The following CDYL2 variants were observed in gnomAD, a reference collection of about 807,000 sequenced individuals.
CDYL2 encodes the protein chromodomain Y like 2, also known as chromodomain Y-like protein 2.
A neutral mutation model predicts 49.4 loss-of-function variants in CDYL2; 23 were observed. The observed-to-expected ratio is 0.47, with a 90% CI of 0.34 to 0.66. The LOEUF (loss-of-function observed/expected upper bound fraction) is 0.66. CDYL2 is among the 30% of genes least tolerant of loss of function. CDYL2 has a pLI of 0.01. For synonymous variants in CDYL2, 360 were observed against 268.8 expected (o/e 1.34, Z -3.32); for missense variants, 678 against 656.4 (o/e 1.03, Z -0.36).
chr16:80,665,588 C>A (rs1052737184), intron 2 of CDYL2, among the ~76,000 whole-genome samples: 25 of 151,404 alleles, frequency 1.7e-4, no homozygotes, highest in African/African-American at 6.1e-4. Context: ...TGGTGGAAGC[C>A]AGGCCAGAGA....
intron 1 of CDYL2, among the ~76,000 whole-genome samples, chr16:80,756,726 T>C (rs1199529640): frequency 2.0e-5 from 3 of 152,118 alleles, no homozygotes; most frequent in African/African-American, 4.8e-5. Context: ...CAGTGTCACT[T>C]AGGAATATTC....
At chr16:80,729,151 C>T (rs1905250814) in intron 1 of CDYL2, among the ~76,000 whole-genome samples, 1 of 152,158 alleles carries the variant, frequency 6.6e-6, no homozygotes, top group African/African-American at 2.4e-5. Flanking sequence ...AAGACACACA[C>T]TGGCAAATTG....
chr16:80,728,096 T>C (rs12599899), intron 1 of CDYL2, among the ~76,000 whole-genome samples: 113,492 of 152,192 alleles, frequency 0.75, 46,102 homozygotes, highest in Non-Finnish European at 0.91. Context: ...CAAAGCTGGA[T>C]GGGGAATGAC....
chr16:80,658,223 G>A (rs1019931343), intron 2 of CDYL2, among the ~76,000 whole-genome samples: 7 of 151,962 alleles, frequency 4.6e-5, no homozygotes, highest in African/African-American at 1.7e-4. Context: ...CTTCTTTGAG[G>A]ATATCTTTTT....
chr16:80,611,093 C>T (rs972654071), intron 5 of CDYL2, among the ~76,000 whole-genome samples: 3 of 152,200 alleles, frequency 2.0e-5, no homozygotes, highest in Non-Finnish European at 4.4e-5. Flanking sequence ...CATGCATCCT[C>T]TGCCTGGAAT....
chr16:80,774,828 G>A (rs62052143), intron 1 of CDYL2, among the ~76,000 whole-genome samples: 2,278 of 151,532 alleles, frequency 0.015, 33 homozygotes, highest in Non-Finnish European at 0.022. Flanking sequence ...ATAAAGGTAA[G>A]AGTAGTAAGA....
intron 2 of CDYL2, among the ~76,000 whole-genome samples, chr16:80,677,416 C>T (rs997219678): frequency 3.9e-5 from 6 of 152,134 alleles, no homozygotes; most frequent in African/African-American, 1.4e-4. Context: ...GTTTCAGGCT[C>T]AGAAGCACCA....
chr16:80,781,362 T>C (rs1212317034), intron 1 of CDYL2, among the ~76,000 whole-genome samples: 1 of 152,146 alleles, frequency 6.6e-6, no homozygotes, highest in Non-Finnish European at 1.5e-5. Flanking sequence ...TATGTGCATC[T>C]AACAACAGAG....
chr16:80,628,014 T>A (rs980032502), intron 3 of CDYL2: 5 of 152,250 alleles, frequency 3.3e-5, no homozygotes, highest in African/African-American at 1.2e-4. Flanking sequence ...TCCTTCTCTT[T>A]ATACTTCATC....
chr16:80,691,206 T>C (rs1412063768), intron 1 of CDYL2, among the ~76,000 whole-genome samples: 3 of 152,206 alleles, frequency 2.0e-5, no homozygotes, highest in South Asian at 2.1e-4. Context: ...TTCTGCATCC[T>C]TTCAACATCC....
chr16:80,612,257 A>T lies in CDYL2; in HGVS notation c.1218+369T>A, dbSNP rs1392945893. Among the ~76,000 whole-genome samples, 3 of 152,106 alleles carry T rather than the reference A, an allele frequency of 2.0e-5. No homozygotes were observed. The highest frequency in any genetic ancestry group is 2.9e-5 in the Non-Finnish European group (2 of 68,016). On this transcript the variant is annotated intron_variant, in intron 5 of 6. Transcript: ENST00000570137. The surrounding 1 kb of genome is among the most constrained non-coding windows in gnomAD (Gnocchi z 5.0). ...ACGGGAGACACCTGGGTCCCCAGAG[A>T]GTGTGGGTGGCCCCTACACCTATGC...
intron 1 of CDYL2, among the ~76,000 whole-genome samples, chr16:80,803,935 A>AGCGGGC (rs1908011571): frequency 7.0e-6 from 1 of 142,376 alleles, no homozygotes. Flanking sequence ...AGAAAGAGGG[A>AGCGGGC]GCGGGCGCGG....
At chr16:80,721,394 G>C (rs1167448226) in intron 1 of CDYL2, among the ~76,000 whole-genome samples, 1 of 152,150 alleles carries the variant, frequency 6.6e-6, no homozygotes, top group African/African-American at 2.4e-5. Context: ...AATCATCCCT[G>C]ATTCACAAGC....
chr16:80,608,928 A>G (rs1442745280), intron 5 of CDYL2, among the ~76,000 whole-genome samples: 1 of 152,196 alleles, frequency 6.6e-6, no homozygotes, highest in Non-Finnish European at 1.5e-5. Flanking sequence ...TTTTTTAAAA[A>G]TTAAACTGGT....
intron 1 of CDYL2, among the ~76,000 whole-genome samples, chr16:80,686,071 T>C (rs1910178317): frequency 6.6e-6 from 1 of 152,228 alleles, no homozygotes; most frequent in African/African-American, 2.4e-5. Context: ...AGATATTGCA[T>C]ATAAGGCAAC....
chr16:80,801,912 C>A (rs564751901), intron 1 of CDYL2, among the ~76,000 whole-genome samples: 11 of 152,128 alleles, frequency 7.2e-5, no homozygotes, highest in Non-Finnish European at 1.5e-4. Context: ...TGTTGACATT[C>A]GTTATATTCT....
At chr16:80,697,949 T>C (rs1446020737) in intron 1 of CDYL2, among the ~76,000 whole-genome samples, 1 of 152,034 alleles carries the variant, frequency 6.6e-6, no homozygotes, top group African/African-American at 2.4e-5. Flanking sequence ...TGGAAGAATA[T>C]TGTTAAAATG....
chr16:80,631,900 G>A (rs1170079119), intron 3 of CDYL2, among the ~76,000 whole-genome samples: 5 of 152,120 alleles, frequency 3.3e-5, no homozygotes, highest in Admixed American at 1.3e-4. Context: ...AAGTGTTATC[G>A]AGGATACAGA....
At chr16:80,634,543 G>A (rs1422335204) in intron 2 of CDYL2, among the ~76,000 whole-genome samples, 1 of 152,134 alleles carries the variant, frequency 6.6e-6, no homozygotes, top group Non-Finnish European at 1.5e-5. Flanking sequence ...AATATGTAAT[G>A]TAAATGAAGA....
Sources: allele counts gnomAD v4.1 joint callset (sites outside exome capture counted in the v4.1 genomes callset), GRCh38; gene constraint gnomAD v4.1.1; non-coding constraint Gnocchi (gnomAD v3.1); transcripts MANE v1.5; gene names NCBI Gene and HGNC (gene_info 2026-07-23, HGNC 2026-07-21).